Variants in PHYHIPL observed in about 807,000 individuals in gnomAD.
The protein encoded by PHYHIPL is phytanoyl-CoA 2-hydroxylase interacting protein like.
A neutral mutation model predicts 33.4 loss-of-function variants in PHYHIPL; 9 were observed. That is an observed-to-expected ratio of 0.27 (90% CI 0.16 to 0.47). The LOEUF (loss-of-function observed/expected upper bound fraction) is 0.47, where lower values mean the gene tolerates loss of function less well. Ranked by LOEUF, PHYHIPL falls within the 20% of genes least tolerant of loss-of-function variation. PHYHIPL has a pLI of 0.99. For synonymous variants in PHYHIPL, 153 were observed against 154.1 expected (o/e 0.99, Z 0.05); for missense variants, 365 against 460.7 (o/e 0.79, Z 1.90).
At chr10:59,211,862 T>C (rs1454672377) in intron 1 of PHYHIPL, among the ~76,000 whole-genome samples, 1 of 152,104 alleles carries the variant, frequency 6.6e-6, no homozygotes, top group African/African-American at 2.4e-5. Context: ...CTCATATTTC[T>C]GATTTTTACA....
At chr10:59,193,300 A>T (rs1482514021) in intron 1 of PHYHIPL, among the ~76,000 whole-genome samples, 1 of 152,148 alleles carries the variant, frequency 6.6e-6, no homozygotes, top group South Asian at 2.1e-4. Flanking sequence ...CCTTATTTTG[A>T]CTGACAAGAG....
At chr10:59,212,612 T>C (rs568334021) in intron 1 of PHYHIPL, among the ~76,000 whole-genome samples, 2 of 152,318 alleles carry the variant, frequency 1.3e-5, no homozygotes, top group South Asian at 2.1e-4. Flanking sequence ...CACTTTCCTT[T>C]TTCTGTCCAT....
rs117732733 is a variant in PHYHIPL, at chr10:59,222,452, C to T, written c.107-11852C>T. Reference sequence around the variant, plus strand: ...GAGAGACCTGTGGAAAGAAATAATACACCAAGCAGGGTGGCAAGCTATAAG... The same window carrying T: ...GAGAGACCTGTGGAAAGAAATAATATACCAAGCAGGGTGGCAAGCTATAAG... On this transcript the variant is annotated intron_variant, in intron 1 of 4. Coordinates refer to ENST00000373880, the MANE Select transcript of PHYHIPL (RefSeq NM_032439.4). Among the ~76,000 whole-genome samples, 887 of 151,864 alleles carry T rather than the reference C, an allele frequency of 5.8e-3. 4 individuals carry two copies. Among genetic ancestry groups the T allele is most frequent in the Non-Finnish European group, 9.3e-3 (633 of 67,890 alleles).
chr10:59,240,589 A>G (rs1840364221), intron 4 of PHYHIPL, among the ~76,000 whole-genome samples: 1 of 152,008 alleles, frequency 6.6e-6, no homozygotes, highest in Non-Finnish European at 1.5e-5. Flanking sequence ...AAGTCAAACA[A>G]TTGTAAGCCA....
chr10:59,231,190 A>G (rs751318149), intron 1 of PHYHIPL, among the ~76,000 whole-genome samples: 4 of 152,204 alleles, frequency 2.6e-5, no homozygotes, highest in East Asian at 1.9e-4. Context: ...CAAGCACAAC[A>G]TAATGCACAC....
At chr10:59,174,701 T>C (rs141661222), upstream of PHYHIPL, among the ~76,000 whole-genome samples, 1 of 152,290 alleles carries the variant, frequency 6.6e-6, no homozygotes, top group East Asian at 1.9e-4. Flanking sequence ...AATTTCCTAT[T>C]TAAAGCCTTT....
At chr10:59,200,903 A>G (rs967204829) in intron 1 of PHYHIPL, among the ~76,000 whole-genome samples, 3 of 152,102 alleles carry the variant, frequency 2.0e-5, no homozygotes, top group African/African-American at 7.2e-5. Context: ...CGGCAGTGAT[A>G]TCCCCTTTAT....
chr10:59,192,054 G>T (rs1225681652), intron 1 of PHYHIPL, among the ~76,000 whole-genome samples: 1 of 152,006 alleles, frequency 6.6e-6, no homozygotes, highest in Non-Finnish European at 1.5e-5. Context: ...TTACTTGAGC[G>T]TATACTTGCT....
At chr10:59,197,158 C>A (rs1838944385) in intron 1 of PHYHIPL, among the ~76,000 whole-genome samples, 1 of 152,144 alleles carries the variant, frequency 6.6e-6, no homozygotes, top group Non-Finnish European at 1.5e-5. Flanking sequence ...CCTTCAGGGG[C>A]ATTCTTCACA....
In PHYHIPL at chr10:59,246,958, A is replaced by G. The variant is rs1453282659; in HGVS notation, c.*1367A>G. 8.6e-6 allele frequency: 2 copies of G among 231,316 alleles called. No individual in the cohort carries two copies. Among genetic ancestry groups the G allele is most frequent in the Admixed American group, 1.1e-4 (2 of 17,980 alleles). The allele number at this position is 231,316 out of a possible 1,614,324, so 14.3% of individuals were successfully genotyped here. A position where few individuals can be genotyped will look rare whatever the true frequency, so the allele number is the denominator to read the frequency against. Reference sequence around the variant, plus strand: ...AGACAAAGATAATAATTCACAAAGTACATGCTATCAGAATGAACTTTGGTA... The same window carrying G: ...AGACAAAGATAATAATTCACAAAGTGCATGCTATCAGAATGAACTTTGGTA... On this transcript the variant is annotated 3_prime_UTR_variant, in exon 5 of 5. Coordinates refer to ENST00000373880, the MANE Select transcript of PHYHIPL (RefSeq NM_032439.4).
rs183774666 is a variant in PHYHIPL, at chr10:59,226,634, G to A, written c.107-7670G>A. 8.7e-4 allele frequency among the ~76,000 whole-genome samples: 132 copies of A among 152,228 alleles called. 3 individuals carry two copies. Among genetic ancestry groups the A allele is most frequent in the Non-Finnish European group, 1.3e-3 (91 of 68,006 alleles). On this transcript the variant is annotated intron_variant, in intron 1 of 4. Coordinates refer to ENST00000373880, the MANE Select transcript of PHYHIPL (RefSeq NM_032439.4). ...CTATAGGGAAGAGGTACCTGGGCTA[G>A]GGAATGCAGTTCATTTTTTAATAAA...
At chr10:59,215,833 T>C (rs539097835) in intron 1 of PHYHIPL, among the ~76,000 whole-genome samples, 26 of 13,290 alleles carry the variant, frequency 2.0e-3, no homozygotes, top group African/African-American at 2.6e-3. Context: ...CCAGCCTTCA[T>C]AGAAAAAAAA....
At chr10:59,208,775 A>C (rs1029145893) in intron 1 of PHYHIPL, among the ~76,000 whole-genome samples, 1 of 152,094 alleles carries the variant, frequency 6.6e-6, no homozygotes, top group Non-Finnish European at 1.5e-5. Context: ...AACTTTGTGA[A>C]GCATACACAA....
intron 1 of PHYHIPL, among the ~76,000 whole-genome samples, chr10:59,193,420 A>G (rs1838832195): frequency 6.6e-6 from 1 of 152,198 alleles, no homozygotes. Context: ...CATAAAATAA[A>G]TGAACTGGTG....
intron 4 of PHYHIPL, among the ~76,000 whole-genome samples, chr10:59,243,826 C>T (rs1459104654): frequency 6.6e-6 from 1 of 152,020 alleles, no homozygotes; most frequent in Non-Finnish European, 1.5e-5. Flanking sequence ...CAAAACTACC[C>T]CTTCATAGAG....
At chr10:59,192,799 C>T (rs190718288) in intron 1 of PHYHIPL, among the ~76,000 whole-genome samples, 2 of 152,124 alleles carry the variant, frequency 1.3e-5, no homozygotes, top group East Asian at 3.9e-4. Flanking sequence ...AGATGGGGTA[C>T]ATTTTGATAC....
chr10:59,215,732 G>C (rs1020658902), intron 1 of PHYHIPL, among the ~76,000 whole-genome samples: 5 of 151,922 alleles, frequency 3.3e-5, no homozygotes, highest in Admixed American at 1.3e-4. Flanking sequence ...ATTCTAGAAG[G>C]CTTCTCTAAG....
At chr10:59,230,866 T>C (rs1840061088) in intron 1 of PHYHIPL, among the ~76,000 whole-genome samples, 2 of 152,160 alleles carry the variant, frequency 1.3e-5, no homozygotes, top group Admixed American at 6.5e-5. Context: ...ATTTTTCTTA[T>C]TGGCAATTTG....
At position 59,245,507 on chromosome 10, in the gene PHYHIPL, TG is replaced by T; in HGVS notation, c.1049del (p.Gly350ValfsTer5). On this transcript the variant is annotated frameshift_variant, in exon 5 of 5. Coordinates refer to ENST00000373880, the MANE Select transcript of PHYHIPL (RefSeq NM_032439.4). LOFTEE classifies it high-confidence loss of function. ...CTGTGGGCACCGTGGCAGAAATCAC[TG>T]GTCATCAGCTCATGAGTTTGTCTAC... The part of the protein sequence containing the change: ...LSVGTVAEIT[G>X]HQLMSLSTAN... 6.2e-7 allele frequency: 1 copy of T among 1,614,194 alleles called. No individual in the cohort carries two copies. The highest frequency in any genetic ancestry group is 8.5e-7 in the Non-Finnish European group (1 of 1,180,024).
Sources: allele counts gnomAD v4.1 joint callset (sites outside exome capture counted in the v4.1 genomes callset), GRCh38; gene constraint gnomAD v4.1.1; transcripts MANE v1.5; gene names NCBI Gene and HGNC (gene_info 2026-07-23, HGNC 2026-07-21).